The following ST3GAL3 variants were observed in gnomAD, a reference collection of about 807,000 sequenced individuals.
ST3GAL3 encodes ST3 beta-galactoside alpha-2,3-sialyltransferase 3, also known as CMP-N-acetylneuraminate-beta-1,4-galactoside alpha-2,3-sialyltransferase.
In ST3GAL3, 21 loss-of-function variants were observed where a neutral mutation model predicts 50.1. That is an observed-to-expected ratio of 0.42 (90% CI 0.30 to 0.60). The LOEUF (loss-of-function observed/expected upper bound fraction) is 0.60, where lower values mean the gene tolerates loss of function less well. ST3GAL3 is among the 20% of genes least tolerant of loss of function. The probability of loss-of-function intolerance (pLI) is 0.19; values close to 1 mark genes in which losing one functional copy is unlikely to be tolerated. For missense variants in ST3GAL3, 353 were observed against 489.4 expected, an observed-to-expected ratio of 0.72 and a Z score of 2.63; for synonymous variants, 183 against 190.0, an observed-to-expected ratio of 0.96 and a Z score of 0.30.
chr1:43,760,393 G>A (rs917038445), intron 2 of ST3GAL3, among the ~76,000 whole-genome samples: 1 of 152,202 alleles, frequency 6.6e-6, no homozygotes, highest in Admixed American at 6.5e-5. Context: ...TGGAAGATGT[G>A]TATAACTCAG....
chr1:43,866,064 ACTGT>A (rs1279118272), intron 5 of ST3GAL3, among the ~76,000 whole-genome samples: 2 of 152,114 alleles, frequency 1.3e-5, no homozygotes, highest in African/African-American at 4.8e-5. Context: ...TGGAATTATC[ACTGT>A]CTGCCCCACA....
intron 5 of ST3GAL3, among the ~76,000 whole-genome samples, chr1:43,860,976 C>T (rs907851540): frequency 1.3e-5 from 2 of 152,232 alleles, no homozygotes; most frequent in African/African-American, 4.8e-5. Flanking sequence ...ACGAGGGGTA[C>T]ATCTTTACCA....
At chr1:43,879,294 TG>T in intron 5 of ST3GAL3, 1 of 456,176 alleles carries the variant, frequency 2.2e-6, no homozygotes, top group Non-Finnish European at 4.4e-6. Context: ...ACGTGAGCAT[TG>T]GGCCCTTTAA....
At chr1:43,739,572 T>C (rs1381602669) in intron 2 of ST3GAL3, among the ~76,000 whole-genome samples, 4 of 152,198 alleles carry the variant, frequency 2.6e-5, no homozygotes, top group African/African-American at 9.6e-5. Flanking sequence ...GTTCTTATTA[T>C]GGTCCATGTA....
At chr1:43,739,625 T>C (rs1296701459) in intron 2 of ST3GAL3, among the ~76,000 whole-genome samples, 1 of 152,214 alleles carries the variant, frequency 6.6e-6, no homozygotes, top group Non-Finnish European at 1.5e-5. Flanking sequence ...TAGGCCTTCA[T>C]ACTCTTAGCC....
At chr1:43,879,334 G>C (rs2074691445) in intron 5 of ST3GAL3, 1 of 456,080 alleles carries the variant, frequency 2.2e-6, no homozygotes, top group South Asian at 1.5e-5. Flanking sequence ...TTTGGAGACA[G>C]TGAGAAGGTT....
intron 2 of ST3GAL3, among the ~76,000 whole-genome samples, chr1:43,747,469 C>T (rs1215394570): frequency 6.6e-6 from 1 of 151,968 alleles, no homozygotes; most frequent in Non-Finnish European, 1.5e-5. Flanking sequence ...GGAAACGGGC[C>T]CAGGGCTTCC....
At chr1:43,828,418 A>G (rs2063099003) in intron 4 of ST3GAL3, among the ~76,000 whole-genome samples, 1 of 152,184 alleles carries the variant, frequency 6.6e-6, no homozygotes, top group Admixed American at 6.5e-5. Context: ...TAAACTCCAA[A>G]ACTTGTACTC....
intron 9 of ST3GAL3, chr1:43,912,881 T>A (rs1167964345): frequency 6.6e-6 from 1 of 152,212 alleles, no homozygotes; most frequent in Non-Finnish European, 1.5e-5. Flanking sequence ...GGAGGAGGGA[T>A]TTGACAAGGA....
At chr1:43,889,577 G>A (rs558590325) in intron 5 of ST3GAL3, among the ~76,000 whole-genome samples, 1 of 152,304 alleles carries the variant, frequency 6.6e-6, no homozygotes, top group South Asian at 2.1e-4. Flanking sequence ...TAAGGCAGAA[G>A]GAACTGCAAA....
chr1:43,796,898 T>TA (rs957306379), intron 3 of ST3GAL3, among the ~76,000 whole-genome samples: 11 of 152,214 alleles, frequency 7.2e-5, no homozygotes, highest in Admixed American at 5.2e-4. Context: ...GCAAAAAAAG[T>TA]AAAGGTTAGG....
intron 2 of ST3GAL3, among the ~76,000 whole-genome samples, chr1:43,760,094 C>T (rs1258668358): frequency 6.6e-6 from 1 of 152,148 alleles, no homozygotes; most frequent in East Asian, 1.9e-4. Flanking sequence ...TTTGGGGGTA[C>T]CATTTTTACT....
At chr1:43,714,407 G>A (rs1380921956) in intron 1 of ST3GAL3, among the ~76,000 whole-genome samples, 1 of 142,132 alleles carries the variant, frequency 7.0e-6, no homozygotes, top group Non-Finnish European at 1.5e-5. Context: ...GGGCAACACG[G>A]TGAAACCCCG....
intron 5 of ST3GAL3, among the ~76,000 whole-genome samples, chr1:43,888,001 A>G (rs1184297265): frequency 1.3e-5 from 2 of 152,114 alleles, no homozygotes; most frequent in African/African-American, 4.8e-5. Context: ...TGTTGAGGGA[A>G]CAGTCTTTGA....
chr1:43,715,037 G>A (rs539515099), intron 1 of ST3GAL3, among the ~76,000 whole-genome samples: 53 of 152,208 alleles, frequency 3.5e-4, no homozygotes, highest in African/African-American at 1.2e-3. Flanking sequence ...TAACTGAAAG[G>A]TGGCATGTTT....
chr1:43,870,317 G>C (rs147704447), intron 5 of ST3GAL3, among the ~76,000 whole-genome samples: 3 of 152,372 alleles, frequency 2.0e-5, no homozygotes, highest in African/African-American at 7.2e-5. Context: ...CCCTGTAAGT[G>C]ACATAAGTAG....
At chr1:43,755,050 G>C (rs1432901650) in intron 2 of ST3GAL3, among the ~76,000 whole-genome samples, 2 of 152,164 alleles carry the variant, frequency 1.3e-5, no homozygotes, top group African/African-American at 4.8e-5. Flanking sequence ...CTAATTTAAG[G>C]ATTTTGTGCT....
At position 43,899,700 on chromosome 1, in the gene ST3GAL3, G is replaced by A. The variant is rs938089556; in HGVS notation, c.717G>A (p.Leu239=). The change falls in exon 9 of 12, where the codon TTG becomes TTA. Residue 239 remains leucine (L), a synonymous_variant. Coordinates refer to ENST00000347631, the MANE Select transcript of ST3GAL3 (RefSeq NM_006279.5). The surrounding 1 kb of genome is among the most constrained non-coding windows in gnomAD (Gnocchi z 5.4). ...AGFKWQDFKW[L]KYIVYKERVS... ...TCAAGTGGCAGGACTTTAAGTGGTTGAAATACATCGTCTACAAGGAGAGAG... is the reference window on the plus strand; with the variant it reads ...TCAAGTGGCAGGACTTTAAGTGGTTAAAATACATCGTCTACAAGGAGAGAG... 7 of 1,613,970 alleles carry A rather than the reference G, an allele frequency of 4.3e-6. No individual in the cohort carries two copies. Among genetic ancestry groups the A allele is most frequent in the Non-Finnish European group, 5.1e-6 (6 of 1,180,042 alleles).
At chr1:43,710,358 A>G (rs1664068633) in intron 1 of ST3GAL3, among the ~76,000 whole-genome samples, 1 of 152,180 alleles carries the variant, frequency 6.6e-6, no homozygotes, top group African/African-American at 2.4e-5. Context: ...CTGGGATTAT[A>G]GGCATGAGCC....
Sources: allele counts gnomAD v4.1 joint callset (sites outside exome capture counted in the v4.1 genomes callset), GRCh38; gene constraint gnomAD v4.1.1; non-coding constraint Gnocchi (gnomAD v3.1); transcripts MANE v1.5; gene names NCBI Gene and HGNC (gene_info 2026-07-23, HGNC 2026-07-21).